The following NECAB2 variants were observed in gnomAD, a reference collection of about 807,000 sequenced individuals.
The protein encoded by NECAB2 is N-terminal EF-hand calcium-binding protein 2.
A neutral mutation model predicts 51.9 loss-of-function variants in NECAB2; 68 were observed. That is an observed-to-expected ratio of 1.31 (90% CI 1.08 to 1.60). The LOEUF is 1.60. Ranked by LOEUF, NECAB2 falls within the 40% of genes most tolerant of loss-of-function variation. The pLI, the probability that NECAB2 is intolerant of heterozygous loss-of-function variation, is 0.00. For missense variants in NECAB2, 854 were observed against 490.3 expected, an observed-to-expected ratio of 1.74 and a Z score of -7.00; for synonymous variants, 329 against 203.5, an observed-to-expected ratio of 1.62 and a Z score of -5.25.
chr16:83,974,289 T>A (rs1010927463), intron 2 of NECAB2, among the ~76,000 whole-genome samples: 1 of 152,138 alleles, frequency 6.6e-6, no homozygotes, highest in African/African-American at 2.4e-5. Context: ...AGTCACCAAA[T>A]TCTGCAGTCT....
intron 5 of NECAB2, among the ~76,000 whole-genome samples, chr16:83,986,042 G>C (rs1437168911): frequency 2.6e-5 from 4 of 152,038 alleles, no homozygotes; most frequent in Non-Finnish European, 5.9e-5. Flanking sequence ...TTGATACGGA[G>C]TTTCTCTTTC....
At chr16:83,981,237 C>A (rs892423353) in intron 5 of NECAB2, 110 bp downstream of exon 5, 1 of 959,600 alleles carries the variant, frequency 1.0e-6, no homozygotes, top group Non-Finnish European at 1.6e-6. Flanking sequence ...GGAGGCCTAT[C>A]TCAGGGGTGG....
intron 5 of NECAB2, among the ~76,000 whole-genome samples, chr16:83,989,183 T>C (rs1403923723): frequency 1.3e-5 from 2 of 152,152 alleles, no homozygotes; most frequent in African/African-American, 4.8e-5. Flanking sequence ...GTGTCTGGAG[T>C]CTGTTGATCA....
chr16:83,970,178 T>C (rs111414978), intron 1 of NECAB2, among the ~76,000 whole-genome samples: 6 of 151,730 alleles, frequency 4.0e-5, no homozygotes, highest in East Asian at 3.9e-4. Flanking sequence ...TTCCATCTCC[T>C]CACCTGCCAA....
At chr16:84,001,426 G>T (rs4997519) in intron 11 of NECAB2, among the ~76,000 whole-genome samples, 7 of 152,006 alleles carry the variant, frequency 4.6e-5, no homozygotes, top group African/African-American at 1.7e-4. Flanking sequence ...AACAGGGGCG[G>T]TCATGAGAAG....
chr16:83,997,095 C>A, intron 8 of NECAB2, 121 bp from the exon 9 acceptor site: 1 of 1,126,300 alleles, frequency 8.9e-7, no homozygotes, highest in Non-Finnish European at 1.3e-6. Flanking sequence ...GTCTCCCAGC[C>A]CTGTGCAACA....
In NECAB2 at chr16:83,998,265, G is replaced by T. The variant is rs920828028; in HGVS notation, c.910G>T (p.Asp304Tyr). ...CCCCGAGCAACTGAGCGAGTTTCTG[G>T]ACTCTCTGCGCCAGTATCTGCGGGG... ...VCPEQLSEFLDSLRQYLRGTT... is the reference protein window; with the variant it reads ...VCPEQLSEFLYSLRQYLRGTT... Residue 304 changes from aspartate to tyrosine, a missense_variant, in exon 10 of 13, where the codon GAC becomes TAC. Coordinates refer to ENST00000305202, the MANE Select transcript of NECAB2 (RefSeq NM_019065.3). 2 of 1,613,178 alleles carry T rather than the reference G, an allele frequency of 1.2e-6. No homozygotes were observed. The highest frequency in any genetic ancestry group is 1.7e-6 in the Non-Finnish European group (2 of 1,180,024).
intron 11 of NECAB2, among the ~76,000 whole-genome samples, chr16:84,001,570 T>G (rs950607118): frequency 3.3e-5 from 5 of 151,594 alleles, no homozygotes; most frequent in Non-Finnish European, 7.4e-5. Context: ...AAGGGGGAGG[T>G]AGAGGCTCTG....
intron 11 of NECAB2, among the ~76,000 whole-genome samples, chr16:84,001,395 C>T (rs999166497): frequency 2.6e-5 from 4 of 152,278 alleles, no homozygotes; most frequent in African/African-American, 9.6e-5. Context: ...GGTTTGCTGA[C>T]AAACTCAGGA....
At chr16:83,995,523 A>G (rs1328276632) in intron 8 of NECAB2, among the ~76,000 whole-genome samples, 3 of 152,202 alleles carry the variant, frequency 2.0e-5, no homozygotes, top group South Asian at 2.1e-4. Flanking sequence ...AGCAATTATT[A>G]TGAGGCATTC....
rs779426790 is a variant in NECAB2 at position 83,994,309 on chromosome 16, C to G, written c.604C>G (p.His202Asp). 1 of 1,614,166 alleles carries G rather than the reference C, an allele frequency of 6.2e-7. No individual in the cohort carries two copies. Among genetic ancestry groups the G allele is most frequent in the South Asian group, 1.1e-5 (1 of 91,076 alleles). ...EEQTSQLRQN[H>D]IKPSHSAAQT... ...TTCCCATCCAAACTGCAGACAGAAC[C>G]ACATCAAACCCAGCCACAGCGCGGC... The change falls in exon 7 of 13, where the codon CAC (histidine) becomes GAC (aspartate). Residue 202 changes from histidine (H) to aspartate (D), a missense_variant. Coordinates refer to ENST00000305202, the MANE Select transcript of NECAB2 (RefSeq NM_019065.3).
intron 6 of NECAB2, among the ~76,000 whole-genome samples, chr16:83,991,897 C>G (rs907643404): frequency 2.6e-5 from 4 of 151,164 alleles, no homozygotes; most frequent in Non-Finnish European, 5.9e-5. Context: ...CTCAGCAATC[C>G]TGCTGTCTCA....
intron 6 of NECAB2, among the ~76,000 whole-genome samples, 166 bp from the exon 7 acceptor site, chr16:83,994,136 T>G (rs948985016): frequency 1.3e-5 from 2 of 152,228 alleles, no homozygotes; most frequent in African/African-American, 4.8e-5. Context: ...AGTCACCTGC[T>G]TTAAGAACCT....
In NECAB2 at chr16:83,968,526, C is replaced by T. The variant is rs1423049937; in HGVS notation, c.-123C>T. ...GGCCAGTCCCCGCGGTGTCCGCGGC[C>T]GCGGGGGCAGCGGGAGAGAGGGCGG... On this transcript the variant is annotated 5_prime_UTR_variant, in exon 1 of 13. Coordinates refer to ENST00000305202, the MANE Select transcript of NECAB2 (RefSeq NM_019065.3). 6 of 822,074 alleles carry T rather than the reference C, an allele frequency of 7.3e-6. No individual in the cohort carries two copies. The highest frequency in any genetic ancestry group is 3.8e-5 in the African/African-American group (2 of 53,304). The allele number at this position is 822,074 out of a possible 1,614,324, so 50.9% of individuals were successfully genotyped here. A position where few individuals can be genotyped will look rare whatever the true frequency, so the allele number is the denominator to read the frequency against.
upstream of NECAB2, chr16:83,966,044 G>C (rs576895394): frequency 1.4e-3 from 1,976 of 1,434,092 alleles, 3 homozygotes; most frequent in Non-Finnish European, 1.6e-3. Flanking sequence ...GGCCCTGAGA[G>C]GACAGAGATG....
chr16:83,967,954 A>C (rs2084305472), upstream of NECAB2, among the ~76,000 whole-genome samples: 1 of 145,622 alleles, frequency 6.9e-6, no homozygotes, highest in Non-Finnish European at 1.5e-5. Flanking sequence ...GGATGTATAG[A>C]TGGATTGATG....
At chr16:83,995,181 C>G (rs1011306677) in intron 8 of NECAB2, among the ~76,000 whole-genome samples, 7 of 152,214 alleles carry the variant, frequency 4.6e-5, no homozygotes, top group African/African-American at 1.7e-4. Context: ...TGGCACAGCC[C>G]TTACAGAAAA....
At position 83,972,180 on chromosome 16, in the gene NECAB2, GT is replaced by G. The variant is rs1195322006; in HGVS notation, c.226+8del. On this transcript the variant is annotated splice_donor_region_variant and intron_variant, in intron 2 of 12. Coordinates refer to ENST00000305202, the MANE Select transcript of NECAB2 (RefSeq NM_019065.3). ...TCCGCCGTGCGGACAAAAATGGTGA[GT>G]TTCCCTTCCAGGCCGACGGCCGCCC... 6.8e-6 allele frequency: 11 copies of G among 1,613,492 alleles called. No individual in the cohort carries two copies. Among genetic ancestry groups the G allele is most frequent in the Admixed American group, 5.0e-5 (3 of 60,004 alleles).
chr16:83,986,407 G>C (rs1237495130), intron 5 of NECAB2, among the ~76,000 whole-genome samples: 1 of 152,214 alleles, frequency 6.6e-6, no homozygotes, highest in Non-Finnish European at 1.5e-5. Context: ...TAATACATAG[G>C]TAAATAGCAA....
Sources: allele counts gnomAD v4.1 joint callset (sites outside exome capture counted in the v4.1 genomes callset), GRCh38; gene constraint gnomAD v4.1.1; transcripts MANE v1.5; gene names NCBI Gene and HGNC (gene_info 2026-07-23, HGNC 2026-07-21).